Variants in NEDD9 observed in about 807,000 individuals in gnomAD.
NEDD9 encodes neural precursor cell expressed, developmentally down-regulated 9, also known as enhancer of filamentation 1.
Under a neutral mutation model 76.6 loss-of-function variants are expected in NEDD9, and 26 were observed. The ratio of observed to expected loss-of-function variants is 0.34; its 90% CI spans 0.25 to 0.47. NEDD9 has a LOEUF of 0.47. Ranked by LOEUF, NEDD9 falls within the 20% of genes least tolerant of loss-of-function variation. The pLI, the probability that NEDD9 is intolerant of heterozygous loss-of-function variation, is 1.00. For synonymous variants in NEDD9, 392 were observed against 414.2 expected (o/e 0.95, Z 0.65); for missense variants, 937 against 1,058.5 (o/e 0.89, Z 1.59).
chr6:11,292,602 C>A (rs941147679), intron 3 of NEDD9, among the ~76,000 whole-genome samples: 1 of 152,202 alleles, frequency 6.6e-6, no homozygotes, highest in African/African-American at 2.4e-5. Flanking sequence ...AAATTTCTGT[C>A]TGCACAAAAT....
At chr6:11,369,234 C>T (rs1762817540) in intron 1 of NEDD9, among the ~76,000 whole-genome samples, 1 of 152,120 alleles carries the variant, frequency 6.6e-6, no homozygotes, top group South Asian at 2.1e-4. Context: ...AAAGAATCTC[C>T]TTAGAGAGTA....
intron 2 of NEDD9, among the ~76,000 whole-genome samples, chr6:11,333,099 G>T (rs925485312): frequency 6.6e-6 from 1 of 151,656 alleles, no homozygotes. Flanking sequence ...AAGGAAGGAA[G>T]GACAATTTTC....
Position 11,286,329 on chromosome 6 carries a change from G to T in NEDD9, c.12+19663C>A, listed in dbSNP as rs372704065. 1.1e-3 allele frequency among the ~76,000 whole-genome samples: 166 copies of T among 152,256 alleles called. 4 individuals are homozygous for T. The South Asian group carries it at 0.034, about 31-fold the overall frequency. ...CCTATTAGAATAGCAAGAATTAGAA[G>T]GAAAATCTGACCATAAAATGTGTTG... On this transcript the variant is annotated intron_variant, in intron 3 of 3. Transcript: ENST00000397378.
chr6:11,308,620 C>T (rs1223766121), intron 2 of NEDD9, among the ~76,000 whole-genome samples: 1 of 152,094 alleles, frequency 6.6e-6, no homozygotes, highest in Non-Finnish European at 1.5e-5. Flanking sequence ...CCGCCCACCT[C>T]AGCCTCCCAA....
rs368284551 is a variant in NEDD9, at chr6:11,232,412, G to A, written c.12+92C>T. On this transcript the variant is annotated intron_variant, in intron 1 of 6. Transcript: ENST00000379446. The stretch of plus-strand genomic sequence containing the variant: ...TCTTAGAACTCTCCGGGACACACAA[G>A]GGACTGACAGTAAGGAACACGCATA... The A allele has an allele frequency of 7.8e-5, 116 of 1,491,294 alleles. No individual in the cohort carries two copies. The African/African-American group carries it at 1.2e-3, about 16-fold the overall frequency. The allele number at this position is 1,491,294 out of a possible 1,614,324, so 92.4% of individuals were successfully genotyped here. A position where few individuals can be genotyped will look rare whatever the true frequency, so the allele number is the denominator to read the frequency against.
intron 1 of NEDD9, among the ~76,000 whole-genome samples, chr6:11,230,226 C>T (rs1405666543): frequency 6.6e-6 from 1 of 152,182 alleles, no homozygotes; most frequent in African/African-American, 2.4e-5. Context: ...ATGAAATAGT[C>T]TTAAACTTTC....
rs1409993153 is a variant in NEDD9 at position 11,232,604 on chromosome 6, T to C, written c.-89A>G. 6 of 1,608,370 alleles carry C rather than the reference T, an allele frequency of 3.7e-6. No homozygotes were observed. Among genetic ancestry groups the C allele is most frequent in the Non-Finnish European group, 5.1e-6 (6 of 1,177,404 alleles). On this transcript the variant is annotated 5_prime_UTR_variant, in exon 1 of 7. Coordinates refer to ENST00000379446, the MANE Select transcript of NEDD9 (RefSeq NM_006403.4). ...CCCGCCCCTCCATTGAGTGCAGCGC[T>C]AGATGAAAGCGAGAAGGTCCCGGGC...
At chr6:11,273,671 C>T (rs924207990) in intron 3 of NEDD9, among the ~76,000 whole-genome samples, 3 of 152,164 alleles carry the variant, frequency 2.0e-5, no homozygotes, top group Non-Finnish European at 2.9e-5. Flanking sequence ...TATCAAGATC[C>T]GAATTACCCT....
Position 11,185,627 on chromosome 6 carries a change from C to T in NEDD9, c.2040G>A (p.Val680=), listed in dbSNP as rs140674252. 1.3e-3 allele frequency: 2,023 copies of T among 1,614,198 alleles called. 1 individual carries two copies. Among genetic ancestry groups the T allele is most frequent in the Non-Finnish European group, 1.6e-3 (1,879 of 1,180,046 alleles). The change falls in exon 7 of 7, where the codon GTG becomes GTA. Residue 680 remains valine (V), a synonymous_variant. Transcript: ENST00000379446. ...QLLEQEITKP[V]ENDISKWKPS... The stretch of plus-strand genomic sequence containing the variant: ...GCTTCCACTTCGAGATGTCATTCTC[C>T]ACGGGCTTTGTAATCTCTTGTTCCA...
upstream of NEDD9, chr6:11,233,254 C>A (rs1273263730): frequency 1.9e-6 from 1 of 518,830 alleles, no homozygotes; most frequent in Non-Finnish European, 3.8e-6. Context: ...TTTGCGATGT[C>A]AGTCTGCAAG....
chr6:11,214,982 T>C (rs1758908518), intron 1 of NEDD9, among the ~76,000 whole-genome samples: 1 of 152,250 alleles, frequency 6.6e-6, no homozygotes, highest in Non-Finnish European at 1.5e-5. Flanking sequence ...TTTTCTTCTC[T>C]AGCAACGTGG....
intron 5 of NEDD9, among the ~76,000 whole-genome samples, chr6:11,188,817 A>G (rs1176083308): frequency 6.6e-6 from 1 of 152,086 alleles, no homozygotes; most frequent in Non-Finnish European, 1.5e-5. Context: ...TCCTTGCCAC[A>G]CTTTCTTGCG....
chr6:11,191,225 C>A lies in NEDD9; in HGVS notation c.664-20G>T, dbSNP rs182427715. 4 of 1,555,362 alleles carry A rather than the reference C, an allele frequency of 2.6e-6. No homozygotes were observed. Among genetic ancestry groups the A allele is most frequent in the Non-Finnish European group, 3.5e-6 (4 of 1,152,972 alleles). Reference sequence around the variant, plus strand: ...ATATACCTGCAAAGCAAGTAGAAAGCGAAATGCTATTTATTGAGTTGGCTC... The same window carrying A: ...ATATACCTGCAAAGCAAGTAGAAAGAGAAATGCTATTTATTGAGTTGGCTC... On this transcript the variant is annotated intron_variant, in intron 4 of 6. Transcript: ENST00000379446.
intron 1 of NEDD9, among the ~76,000 whole-genome samples, chr6:11,369,520 C>T (rs1030936062): frequency 1.3e-5 from 2 of 152,170 alleles, no homozygotes; most frequent in East Asian, 1.9e-4. Context: ...TGCACGTGTA[C>T]ACACACAGAG....
intron 3 of NEDD9, among the ~76,000 whole-genome samples, chr6:11,246,057 G>C (rs374372584): frequency 2.6e-5 from 4 of 152,096 alleles, no homozygotes; most frequent in East Asian, 3.9e-4. Flanking sequence ...TTTTTCGGGT[G>C]GGGGAGCGGG....
intron 1 of NEDD9, among the ~76,000 whole-genome samples, chr6:11,361,085 A>G (rs1206541636): frequency 6.6e-6 from 1 of 152,230 alleles, no homozygotes; most frequent in African/African-American, 2.4e-5. Flanking sequence ...AAAAAGTGAA[A>G]TAGTGGAGGA....
At chr6:11,376,088 T>A (rs1177194648) in intron 1 of NEDD9, among the ~76,000 whole-genome samples, 1 of 152,218 alleles carries the variant, frequency 6.6e-6, no homozygotes, top group Non-Finnish European at 1.5e-5. Flanking sequence ...CCTCCCAAAG[T>A]GCTGGGATTA....
intron 1 of NEDD9, chr6:11,214,278 C>T: frequency 2.0e-6 from 1 of 494,522 alleles, no homozygotes; most frequent in Admixed American, 2.2e-5. Context: ...TCTCAGATGA[C>T]AGGAGCCTTG....
intron 1 of NEDD9, among the ~76,000 whole-genome samples, chr6:11,231,427 C>T (rs1341030127): frequency 6.6e-6 from 1 of 152,166 alleles, no homozygotes; most frequent in Admixed American, 6.5e-5. Context: ...TATTTACAAC[C>T]TTACATCAAA....
Sources: gnomAD v4.1 joint callset for allele counts (sites outside exome capture counted in the v4.1 genomes callset) on GRCh38, gnomAD v4.1.1 for gene constraint, MANE v1.5 for transcripts, NCBI Gene and HGNC (gene_info 2026-07-23, HGNC 2026-07-21) for gene names.